The following LYPD6B variants were observed in gnomAD, a reference collection of about 807,000 sequenced individuals.
The protein encoded by LYPD6B is LY6/PLAUR domain containing 6B, also known as ly6/PLAUR domain-containing protein 6B.
LYPD6B carries 17 observed loss-of-function variants against 22.8 expected under a neutral mutation model. The observed-to-expected ratio is 0.75, with a 90% confidence interval of 0.51 to 1.12. The LOEUF (loss-of-function observed/expected upper bound fraction) is 1.12. Among genes scored for constraint, LYPD6B ranks in the 50% most tolerant of loss-of-function variants. LYPD6B has a pLI of 0.00. For synonymous variants in LYPD6B, 106 were observed against 91.6 expected (o/e 1.16, Z -0.90); for missense variants, 221 against 258.3 (o/e 0.86, Z 0.99).
chr2:149,073,243 G>C (rs1303093258), intron 1 of LYPD6B, among the ~76,000 whole-genome samples: 3 of 152,208 alleles, frequency 2.0e-5, no homozygotes, highest in Non-Finnish European at 4.4e-5. Context: ...GCCCAGCCCA[G>C]TATATCTCTT....
chr2:149,177,437 G>A (rs1021488651), intron 3 of LYPD6B, among the ~76,000 whole-genome samples: 23 of 152,146 alleles, frequency 1.5e-4, no homozygotes, highest in Non-Finnish European at 2.9e-5. Context: ...CTCCCATTTG[G>A]CTATTTCCTT....
At chr2:149,188,907 G>A (rs1692299644) in intron 3 of LYPD6B, among the ~76,000 whole-genome samples, 2 of 152,124 alleles carry the variant, frequency 1.3e-5, no homozygotes, top group Admixed American at 1.3e-4. Flanking sequence ...GAGGCACTGA[G>A]AGATTCAATA....
chr2:149,199,182 G>A (rs2106110195), intron 3 of LYPD6B, among the ~76,000 whole-genome samples: 1 of 152,296 alleles, frequency 6.6e-6, no homozygotes, highest in Middle Eastern at 3.4e-3. Context: ...TTTTACTTAT[G>A]TAATTGTGCT....
At chr2:149,097,778 T>C (rs1015647729) in intron 1 of LYPD6B, among the ~76,000 whole-genome samples, 1 of 152,248 alleles carries the variant, frequency 6.6e-6, no homozygotes, top group African/African-American at 2.4e-5. Context: ...TTAAATACAT[T>C]CAATTGCTTT....
At chr2:149,143,331 C>T (rs1313614338) in intron 2 of LYPD6B, among the ~76,000 whole-genome samples, 1 of 99,974 alleles carries the variant, frequency 1.0e-5, no homozygotes, top group African/African-American at 3.6e-5. Flanking sequence ...ATTTTGGTTC[C>T]AACTTTTTTT....
At chr2:149,120,476 A>G (rs1687273634) in intron 1 of LYPD6B, among the ~76,000 whole-genome samples, 1 of 139,872 alleles carries the variant, frequency 7.1e-6, no homozygotes, top group Admixed American at 7.6e-5. Context: ...TTCGCCTCCC[A>G]GGTTCATGCC....
At chr2:149,130,200 G>T (rs896284197) in intron 1 of LYPD6B, among the ~76,000 whole-genome samples, 9 of 152,178 alleles carry the variant, frequency 5.9e-5, no homozygotes, top group Non-Finnish European at 1.3e-4. Context: ...AGGACAGTTT[G>T]TGCCAATCTA....
chr2:149,165,900 T>C (rs1459128975), intron 3 of LYPD6B, among the ~76,000 whole-genome samples: 1 of 152,174 alleles, frequency 6.6e-6, no homozygotes, highest in Non-Finnish European at 1.5e-5. Context: ...TAGGCCTTCC[T>C]GGGTACACCC....
At chr2:149,167,471 C>G (rs1690505283) in intron 3 of LYPD6B, among the ~76,000 whole-genome samples, 1 of 152,168 alleles carries the variant, frequency 6.6e-6, no homozygotes, top group Non-Finnish European at 1.5e-5. Context: ...TTGGCTTTTG[C>G]TAACATTGCC....
intron 1 of LYPD6B, among the ~76,000 whole-genome samples, chr2:149,055,652 G>T (rs1297984594): frequency 1.3e-5 from 2 of 152,078 alleles, no homozygotes; most frequent in South Asian, 2.1e-4. Flanking sequence ...TAATGACATT[G>T]TCAGTTTCAT....
In LYPD6B at chr2:149,094,214, C is replaced by A. The variant is rs1319796222; in HGVS notation, c.-66-36669C>A. ...AGTTTATAGAGTAAAACTTTTGTTT[C>A]CTTTCTAAATGCTTAAGAAAGGATT... On this transcript the variant is annotated intron_variant, in intron 1 of 6. Transcript: ENST00000409642. 3.3e-5 allele frequency among the ~76,000 whole-genome samples: 5 copies of A among 152,106 alleles called. No homozygotes were observed. In the East Asian group the frequency reaches 9.6e-4, roughly 29 times the overall value.
At chr2:149,212,306 C>T (rs1246226828) in intron 5 of LYPD6B, among the ~76,000 whole-genome samples, 3 of 129,096 alleles carry the variant, frequency 2.3e-5, no homozygotes, top group South Asian at 2.7e-4. Context: ...GGTGTGAACC[C>T]GGGAGGCAGG....
chr2:149,055,784 G>A (rs1187641821), intron 1 of LYPD6B, among the ~76,000 whole-genome samples: 1 of 152,128 alleles, frequency 6.6e-6, no homozygotes, highest in Non-Finnish European at 1.5e-5. Flanking sequence ...ATTTATTAGG[G>A]TTTTCTACAT....
intron 1 of LYPD6B, among the ~76,000 whole-genome samples, chr2:149,052,790 A>T (rs956037991): frequency 6.6e-6 from 1 of 152,234 alleles, no homozygotes; most frequent in African/African-American, 2.4e-5. Context: ...TGACTCTTTA[A>T]AAAAATAAAA....
intron 1 of LYPD6B, among the ~76,000 whole-genome samples, chr2:149,042,755 G>A (rs1338366786): frequency 6.6e-6 from 1 of 152,308 alleles, no homozygotes. Context: ...CAAGAGTGCA[G>A]TCATTAGAAA....
intron 3 of LYPD6B, chr2:149,187,444 A>G: frequency 6.5e-7 from 1 of 1,532,810 alleles, no homozygotes; most frequent in South Asian, 1.2e-5. Context: ...GGCATTGTAC[A>G]GAAGAAGATG....
At chr2:149,070,138 C>T (rs1684529579) in intron 1 of LYPD6B, among the ~76,000 whole-genome samples, 1 of 151,992 alleles carries the variant, frequency 6.6e-6, no homozygotes, top group South Asian at 2.1e-4. Context: ...GGGCGTATTC[C>T]TTCCATGTCT....
intron 3 of LYPD6B, among the ~76,000 whole-genome samples, chr2:149,174,964 T>TTA (rs1250302802): frequency 6.7e-6 from 1 of 149,452 alleles, no homozygotes. Context: ...AAAAAAAAAT[T>TTA]TATAGTCTAG....
At chr2:149,113,992 C>T (rs1236138053) in intron 1 of LYPD6B, among the ~76,000 whole-genome samples, 1 of 152,114 alleles carries the variant, frequency 6.6e-6, no homozygotes, top group Non-Finnish European at 1.5e-5. Context: ...TGGGTATGTG[C>T]CATTTATCTT....
Sources: allele counts gnomAD v4.1 joint callset (sites outside exome capture counted in the v4.1 genomes callset), GRCh38; gene constraint gnomAD v4.1.1; transcripts MANE v1.5; gene names NCBI Gene and HGNC (gene_info 2026-07-23, HGNC 2026-07-21).